RORA: variants seen among roughly 807,000 people sequenced by gnomAD.
RORA encodes RAR related orphan receptor A, also known as nuclear receptor ROR-alpha.
Under a neutral mutation model 69.5 loss-of-function variants are expected in RORA, and 7 were observed. The observed-to-expected ratio is 0.10, with a 90% CI of 0.06 to 0.19. The LOEUF is 0.19. Among genes scored for constraint, RORA ranks in the 10% least tolerant of loss-of-function variants. The probability of loss-of-function intolerance (pLI) is 1.00; values close to 1 mark genes in which losing one functional copy is unlikely to be tolerated. For synonymous variants in RORA, 261 were observed against 240.8 expected (o/e 1.08, Z -0.78); for missense variants, 457 against 663.0 (o/e 0.69, Z 3.41).
chr15:60,858,466 C>T (rs962163619), intron 1 of RORA, among the ~76,000 whole-genome samples: 2 of 152,114 alleles, frequency 1.3e-5, no homozygotes, highest in African/African-American at 4.8e-5. Flanking sequence ...TGTTTGGACT[C>T]ACCCAGTATG....
chr15:60,956,272 T>C (rs1162642533), intron 1 of RORA, among the ~76,000 whole-genome samples: 1 of 152,240 alleles, frequency 6.6e-6, no homozygotes, highest in African/African-American at 2.4e-5. Context: ...CTTTAATTTG[T>C]ATAATGCTTT....
At chr15:60,721,545 A>AGCAG (rs1567168838) in intron 1 of RORA, among the ~76,000 whole-genome samples, 3 of 152,264 alleles carry the variant, frequency 2.0e-5, no homozygotes, top group Non-Finnish European at 4.4e-5. Flanking sequence ...AATTCACAGT[A>AGCAG]TGAAGTGCCG....
intron 1 of RORA, among the ~76,000 whole-genome samples, chr15:61,034,736 T>A (rs189298077): frequency 9.9e-5 from 15 of 151,772 alleles, no homozygotes; most frequent in African/African-American, 2.7e-4. Context: ...TTTTTTCTTT[T>A]TAATAGTGGG....
intron 1 of RORA, among the ~76,000 whole-genome samples, chr15:61,012,008 T>C (rs1304003332): frequency 6.6e-6 from 1 of 152,192 alleles, no homozygotes; most frequent in Non-Finnish European, 1.5e-5. Flanking sequence ...GGGCATGCAA[T>C]ACAAACATCC....
chr15:60,623,548 C>T (rs1264802089), intron 2 of RORA, among the ~76,000 whole-genome samples: 1 of 152,170 alleles, frequency 6.6e-6, no homozygotes, highest in Non-Finnish European at 1.5e-5. Context: ...CTAATGTTCC[C>T]ATTTAACAGA....
chr15:60,891,642 G>A (rs1467935709), intron 1 of RORA, among the ~76,000 whole-genome samples: 4 of 152,178 alleles, frequency 2.6e-5, no homozygotes, highest in African/African-American at 9.7e-5. Context: ...CACCTCCAAA[G>A]CCTGTCCTCC....
intron 1 of RORA, among the ~76,000 whole-genome samples, chr15:60,746,127 A>G (rs1161239115): frequency 6.6e-6 from 1 of 152,216 alleles, no homozygotes; most frequent in African/African-American, 2.4e-5. Flanking sequence ...TCGTGGATTT[A>G]TAAGTATGTG....
intron 1 of RORA, among the ~76,000 whole-genome samples, chr15:61,072,344 G>C (rs1391655613): frequency 7.2e-5 from 11 of 152,272 alleles, no homozygotes; most frequent in Non-Finnish European, 2.9e-5. Context: ...ACAATAGTGA[G>C]TTTATATTTT....
chr15:60,895,756 C>A (rs2140462055), intron 1 of RORA, among the ~76,000 whole-genome samples: 1 of 152,300 alleles, frequency 6.6e-6, no homozygotes, highest in South Asian at 2.1e-4. Flanking sequence ...TCAAGTACAG[C>A]CTCAGCAATT....
chr15:60,520,577 A>G (rs2066130554), intron 3 of RORA, among the ~76,000 whole-genome samples: 3 of 152,104 alleles, frequency 2.0e-5, no homozygotes, highest in Admixed American at 2.0e-4. Flanking sequence ...CTAAGTACAG[A>G]GATAGATTTT....
chr15:61,077,026 A>G (rs1422753893), intron 1 of RORA, among the ~76,000 whole-genome samples: 1 of 152,184 alleles, frequency 6.6e-6, no homozygotes, highest in East Asian at 1.9e-4. Flanking sequence ...AAGCAAGGGA[A>G]ACACTAAAAC....
chr15:61,200,539 A>G (rs940234107), intron 1 of RORA, among the ~76,000 whole-genome samples: 1 of 152,206 alleles, frequency 6.6e-6, no homozygotes, highest in Non-Finnish European at 1.5e-5. Flanking sequence ...ACTGACCTGG[A>G]AAAGGAAATA....
chr15:60,592,800 G>A lies in RORA; in HGVS notation c.197-60949C>T, dbSNP rs1043545170. On this transcript the variant is annotated intron_variant, in intron 2 of 10. Transcript: ENST00000335670. ...GGGCGCCCGCCTTCCCCTCGCCTTC[G>A]GGATCACCTGTGGCCGCCGGTCGCT... 24 of 638,944 alleles carry A rather than the reference G, an allele frequency of 3.8e-5. No individual in the cohort carries two copies. In the African/African-American group the frequency reaches 4.5e-4, roughly 12 times the overall value. 39.6% of individuals were successfully genotyped at this position (638,944 alleles called of 1,614,324 possible).
At chr15:60,729,436 C>A (rs1019054419) in intron 1 of RORA, among the ~76,000 whole-genome samples, 1 of 152,142 alleles carries the variant, frequency 6.6e-6, no homozygotes. Context: ...GGATTCTAGT[C>A]CCAGATTAGT....
At chr15:60,691,478 G>A (rs2070824577) in intron 1 of RORA, among the ~76,000 whole-genome samples, 1 of 152,164 alleles carries the variant, frequency 6.6e-6, no homozygotes, top group Non-Finnish European at 1.5e-5. Context: ...AGTGAATGAA[G>A]TTGACTCCCC....
chr15:60,617,476 C>T (rs573270195), intron 2 of RORA, among the ~76,000 whole-genome samples: 10 of 152,236 alleles, frequency 6.6e-5, no homozygotes, highest in Admixed American at 2.0e-4. Flanking sequence ...AGTGAGAATT[C>T]CTCTTGGAGA....
At chr15:61,169,252 A>G (rs4775367) in intron 1 of RORA, among the ~76,000 whole-genome samples, 61,720 of 150,620 alleles carry the variant, frequency 0.41, 13,611 homozygotes, top group Non-Finnish European at 0.49. Context: ...TTGCACTCTT[A>G]CAGCCCTGTA....
chr15:61,209,182 T>C (rs1426390785), intron 1 of RORA, among the ~76,000 whole-genome samples: 2 of 151,644 alleles, frequency 1.3e-5, no homozygotes, highest in Non-Finnish European at 2.9e-5. Context: ...GTCTTTCTAA[T>C]AGAAATGTAA....
chr15:60,935,318 G>A (rs1460918255), intron 1 of RORA, among the ~76,000 whole-genome samples: 1 of 152,180 alleles, frequency 6.6e-6, no homozygotes, highest in African/African-American at 2.4e-5. Flanking sequence ...CCTTCACAAA[G>A]GGTTGTTTAA....
Sources: gnomAD v4.1 joint callset for allele counts (sites outside exome capture counted in the v4.1 genomes callset) on GRCh38, gnomAD v4.1.1 for gene constraint, MANE v1.5 for transcripts, NCBI Gene and HGNC (gene_info 2026-07-23, HGNC 2026-07-21) for gene names.